ZNF546: variants seen among roughly 807,000 people sequenced by gnomAD.
ZNF546 encodes the protein zinc finger protein 546, also known as CTC-471F3.6.
A neutral mutation model predicts 76.2 loss-of-function variants in ZNF546; 60 were observed. The observed-to-expected ratio is 0.79, with a 90% CI of 0.64 to 0.98. The LOEUF is 0.98. Ranked by LOEUF, ZNF546 falls within the 50% of genes least tolerant of loss-of-function variation. ZNF546 has a pLI of 0.00. For missense variants in ZNF546, 936 were observed against 1,035.6 expected, an observed-to-expected ratio of 0.90 and a Z score of 1.32; for synonymous variants, 277 against 328.1, an observed-to-expected ratio of 0.84 and a Z score of 1.68.
Position 40,007,364 on chromosome 19 carries a change from G to A in ZNF546, c.262G>A (p.Val88Met). ...TGTGCAGAGGGACTTGTACAAGGAT[G>A]TGATGTTGGAGAACTACAGCAACCT... ...DAVQRDLYKD[V>M]MLENYSNLVS... Residue 88 changes from valine to methionine, a missense_variant, in exon 5 of 7, where the codon GTG becomes ATG. By Grantham distance (21) the Val-to-Met change is conservative. Transcript: ENST00000347077. 3 of 1,603,566 alleles carry A rather than the reference G, an allele frequency of 1.9e-6. No homozygotes were observed. The highest frequency in any genetic ancestry group is 2.2e-5 in the South Asian group (2 of 89,544).
chr19:40,014,252 C>A lies in ZNF546; in HGVS notation c.982C>A (p.Pro328Thr). Residue 328 changes from proline to threonine, a missense_variant, in exon 7 of 7, where the codon CCT (proline) becomes ACT (threonine). Pro to Thr is a conservative substitution (Grantham distance 38). Transcript: ENST00000347077. ...VHQTIHAGERPYECKECGKAF... is the reference protein window; with the variant it reads ...VHQTIHAGERTYECKECGKAF... ...TCAGACAATTCATGCTGGAGAGAGACCTTATGAATGTAAAGAATGTGGGAA... is the reference window on the plus strand; with the variant it reads ...TCAGACAATTCATGCTGGAGAGAGAACTTATGAATGTAAAGAATGTGGGAA... 1 of 1,613,768 alleles carries A rather than the reference C, an allele frequency of 6.2e-7. No homozygotes were observed.
chr19:40,008,595 G>A (rs1293702457), intron 6 of ZNF546, 30 bp downstream of exon 6: 1 of 1,572,378 alleles, frequency 6.4e-7, no homozygotes, highest in Non-Finnish European at 8.7e-7. Context: ...GCGGGAGGGT[G>A]CTATCACAAG....
Position 40,015,241 on chromosome 19 carries a change from A to G in ZNF546, c.1971A>G (p.Arg657=), listed in dbSNP as rs766345170. ...GCACTCATCTCACGCAACATCACAG[A>G]ATTCATACTGGTGAGAAACCCTACG... ...IRSTHLTQHH[R]IHTGEKPYEC... is the part of the protein sequence containing the mutation. The change falls in exon 7 of 7, where the codon AGA becomes AGG. Residue 657 remains arginine (R), a synonymous_variant. Coordinates refer to ENST00000347077, the MANE Select transcript of ZNF546 (RefSeq NM_178544.5). 8 of 1,614,126 alleles carry G rather than the reference A, an allele frequency of 5.0e-6. 1 individual carries two copies. The Admixed American group carries it at 1.3e-4, about 27-fold the overall frequency.
In ZNF546 at chr19:40,006,177, G is replaced by A. The variant is rs779322599; in HGVS notation, c.166G>A (p.Ala56Thr). 3.1e-6 allele frequency: 5 copies of A among 1,612,514 alleles called. No individual in the cohort carries two copies. In the South Asian group the frequency reaches 5.5e-5, roughly 18 times the overall value. ...AAGTTCTTGTGGTTCTAAAACCATG[G>A]CCAATGTAAGTTTGTGTTTTTCTTC... Reference protein sequence around the residue: ...LTSSCGSKTMANVSLAFRDVS... With the variant: ...LTSSCGSKTMTNVSLAFRDVS... The change falls in exon 4 of 7, where the codon GCC becomes ACC. Residue 56 changes from alanine (A) to threonine (T), a missense_variant. Transcript: ENST00000347077.
At chr19:40,000,201 A>G (rs534089301) in intron 3 of ZNF546, among the ~76,000 whole-genome samples, 1 of 152,310 alleles carries the variant, frequency 6.6e-6, no homozygotes, top group East Asian at 1.9e-4. Flanking sequence ...ATAGTTCTTC[A>G]GGATTATACT....
intron 6 of ZNF546, among the ~76,000 whole-genome samples, chr19:40,012,600 G>C (rs1971686556): frequency 6.6e-6 from 1 of 151,990 alleles, no homozygotes; most frequent in African/African-American, 2.4e-5. Flanking sequence ...TATTCTAAAG[G>C]GAAAAGAATT....
Position 40,016,035 on chromosome 19 carries a change from GCTT to G in ZNF546, c.*257_*259del. 2.1e-6 allele frequency: 1 copy of G among 481,270 alleles called. No individual in the cohort carries two copies. Among genetic ancestry groups the G allele is most frequent in the Non-Finnish European group, 3.7e-6 (1 of 267,124 alleles). The allele number at this position is 481,270 out of a possible 1,614,324, so 29.8% of individuals were successfully genotyped here. A position where few individuals can be genotyped will look rare whatever the true frequency, so the allele number is the denominator to read the frequency against. On this transcript the variant is annotated 3_prime_UTR_variant, in exon 7 of 7. Coordinates refer to ENST00000347077, the MANE Select transcript of ZNF546 (RefSeq NM_178544.5). ...CCCCTACAAACTGTTGTTGAACAGTGCTTCTCTAAAATGCAATAATAATGGGCC... is the reference window on the plus strand; with the variant it reads ...CCCCTACAAACTGTTGTTGAACAGTGCTCTAAAATGCAATAATAATGGGCC...
intron 6 of ZNF546, among the ~76,000 whole-genome samples, chr19:40,012,129 A>AAC (rs10653135): frequency 0.28 from 42,146 of 151,968 alleles, 9,561 homozygotes; most frequent in African/African-American, 0.63. Flanking sequence ...GTAATGATAA[A>AAC]ACAACTGATG....
Position 40,015,094 on chromosome 19 carries a change from C to T in ZNF546, c.1824C>T (p.Pro608=). Reference sequence around the variant, plus strand: ...TTAAAATTCATACTGGTGAAAAACCCTACATATGTAATGAATGTGGGAAAG... The same window carrying T: ...TTAAAATTCATACTGGTGAAAAACCTTACATATGTAATGAATGTGGGAAAG... The part of the protein sequence containing the change: ...QHFKIHTGEK[P]YICNECGKAF... The change falls in exon 7 of 7, where the codon CCC becomes CCT. Residue 608 remains proline (P), a synonymous_variant. Coordinates refer to ENST00000347077, the MANE Select transcript of ZNF546 (RefSeq NM_178544.5). 1 of 1,613,994 alleles carries T rather than the reference C, an allele frequency of 6.2e-7. No individual in the cohort carries two copies. Among genetic ancestry groups the T allele is most frequent in the Non-Finnish European group, 8.5e-7 (1 of 1,179,944 alleles).
rs1474439638 is a variant in ZNF546, at chr19:40,015,686, C to G, written c.2416C>G (p.Gln806Glu). Reference protein sequence around the residue: ...HRIHTGEKPYQCKECGKAFIR... With the variant: ...HRIHTGEKPYECKECGKAFIR... ...AATTCATACTGGTGAAAAACCCTAT[C>G]AATGTAAAGAATGTGGAAAAGCCTT... Residue 806 changes from glutamine to glutamate, a missense_variant, in exon 7 of 7, where the codon CAA (glutamine) becomes GAA (glutamate). Coordinates refer to ENST00000347077, the MANE Select transcript of ZNF546 (RefSeq NM_178544.5). 1 of 1,614,060 alleles carries G rather than the reference C, an allele frequency of 6.2e-7. No individual in the cohort carries two copies. Among genetic ancestry groups the G allele is most frequent in the Non-Finnish European group, 8.5e-7 (1 of 1,179,960 alleles).
rs550470156 is a variant in ZNF546, at chr19:40,000,615, C to CA, written c.84+2223dup. On this transcript the variant is annotated intron_variant, in intron 3 of 6. Transcript: ENST00000347077. Reference sequence around the variant, plus strand: ...TGGGCGACAGAGTGAGACTCTGTCTCAAAAAAAAAAAAAAAAAAGAAAAAG... The same window carrying CA: ...TGGGCGACAGAGTGAGACTCTGTCTCAAAAAAAAAAAAAAAAAAAGAAAAAG... Among the ~76,000 whole-genome samples the CA allele has an allele frequency of 7.6e-3, 424 of 55,852 alleles. 6 individuals are homozygous for CA. The highest frequency in any genetic ancestry group is 0.011 in the African/African-American group (172 of 16,036). The allele number at this position is 55,852 out of a possible 152,430, so 36.6% of individuals were successfully genotyped here. A position where few individuals can be genotyped will look rare whatever the true frequency, so the allele number is the denominator to read the frequency against.
chr19:40,016,163 G>A lies in ZNF546; in HGVS notation c.*382G>A. ...TGAGACCCTGCCTCATGGCTTTAGT[G>A]AGCCATGATTGTGCCACTGCACTCC... On this transcript the variant is annotated 3_prime_UTR_variant, in exon 7 of 7. Transcript: ENST00000347077. 1 of 221,512 alleles carries A rather than the reference G, an allele frequency of 4.5e-6. No homozygotes were observed. The allele number at this position is 221,512 out of a possible 1,614,324, so 13.7% of individuals were successfully genotyped here. A position where few individuals can be genotyped will look rare whatever the true frequency, so the allele number is the denominator to read the frequency against.
Position 40,015,016 on chromosome 19 carries a change from A to T in ZNF546, c.1746A>T (p.Ile582=), listed in dbSNP as rs1326079721. 6.8e-6 allele frequency: 11 copies of T among 1,613,990 alleles called. No individual in the cohort carries two copies. Among genetic ancestry groups the T allele is most frequent in the African/African-American group, 1.3e-5 (1 of 74,920 alleles). Residue 582 remains isoleucine (I), a synonymous_variant, in exon 7 of 7, where the codon ATA becomes ATT. Transcript: ENST00000347077. The part of the protein sequence containing the change: ...QRIHTSESTY[I]CKECGKIFSR... ...TTCACACCAGTGAGAGCACCTACAT[A>T]TGTAAAGAATGTGGGAAGATTTTTA...
chr19:40,013,000 A>C (rs1770932245), intron 6 of ZNF546, among the ~76,000 whole-genome samples: 1 of 151,870 alleles, frequency 6.6e-6, no homozygotes, highest in Non-Finnish European at 1.5e-5. Context: ...TTTTTAGTAG[A>C]GACGGGGTTT....
chr19:40,016,267 T>G lies in ZNF546; in HGVS notation c.*486T>G, dbSNP rs1971766616. ...CAGGCACAGTGGCTCACACCTGTAA[T>G]CCCAGCACTATGGGAGGCCCAGGTG... On this transcript the variant is annotated 3_prime_UTR_variant, in exon 7 of 7. Transcript: ENST00000347077. The G allele has an allele frequency of 6.1e-6, 1 of 165,256 alleles. No homozygotes were observed. Among genetic ancestry groups the G allele is most frequent in the Admixed American group, 5.9e-5 (1 of 16,994 alleles). The allele number at this position is 165,256 out of a possible 1,614,324, so 10.2% of individuals were successfully genotyped here.
intron 6 of ZNF546, 104 bp downstream of exon 6, chr19:40,008,669 G>T (rs1971636564): frequency 1.3e-6 from 1 of 748,238 alleles, no homozygotes; most frequent in Admixed American, 2.3e-5. Context: ...CCCTTCAAAG[G>T]CCTGAGGCCT....
rs758055427 is a variant in ZNF546, at chr19:40,015,715, T to A, written c.2445T>A (p.Ile815=). Residue 815 remains isoleucine (I), a synonymous_variant, in exon 7 of 7, where the codon ATT becomes ATA. Coordinates refer to ENST00000347077, the MANE Select transcript of ZNF546 (RefSeq NM_178544.5). ...YQCKECGKAF[I]RSDQLTLHQR... is the part of the protein sequence containing the mutation. ...GTAAAGAATGTGGAAAAGCCTTTAT[T>A]CGTAGTGATCAACTTACTTTACATC... 6.2e-7 allele frequency: 1 copy of A among 1,614,056 alleles called. No homozygotes were observed. Among genetic ancestry groups the A allele is most frequent in the Non-Finnish European group, 8.5e-7 (1 of 1,179,914 alleles).
chr19:40,001,654 G>T (rs182124750), intron 3 of ZNF546, among the ~76,000 whole-genome samples: 39 of 152,160 alleles, frequency 2.6e-4, no homozygotes, highest in African/African-American at 9.4e-4. Context: ...GAGCCACCGC[G>T]CTCTACCAAG....
chr19:40,010,339 G>A (rs1291066617), intron 6 of ZNF546, among the ~76,000 whole-genome samples: 1 of 151,602 alleles, frequency 6.6e-6, no homozygotes, highest in African/African-American at 2.4e-5. Flanking sequence ...GGAGGCAGAG[G>A]TTGCAGTGAG....
Sources: allele counts gnomAD v4.1 joint callset (sites outside exome capture counted in the v4.1 genomes callset), GRCh38; gene constraint gnomAD v4.1.1; transcripts MANE v1.5; gene names NCBI Gene and HGNC (gene_info 2026-07-23, HGNC 2026-07-21).